CMTM3: variants seen among roughly 807,000 people sequenced by gnomAD.
CMTM3 encodes the protein CKLF-like MARVEL transmembrane domain-containing protein 3.
CMTM3 carries 7 observed loss-of-function variants against 18.2 expected under a neutral mutation model. The observed-to-expected ratio is 0.38, with a 90% CI of 0.22 to 0.72. The LOEUF is 0.72. Ranked by LOEUF, CMTM3 falls within the 30% of genes least tolerant of loss-of-function variation. CMTM3 has a pLI of 0.46. For missense variants in CMTM3, 227 were observed against 249.2 expected (o/e 0.91, Z 0.60); for synonymous variants, 109 against 111.2 (o/e 0.98, Z 0.12).
In CMTM3 at chr16:66,608,556, T is replaced by TCCAGCACA; in HGVS notation, c.303+93_303+94insCAGCACAC. On this transcript the variant is annotated intron_variant, in intron 2 of 4. Transcript: ENST00000567572. This position sits in a 1 kb window ranked among gnomAD's most constrained non-coding sequence, Gnocchi z 5.1. ...CGTGCACTTGGGCCCTTATCCTTTC[T>TCCAGCACA]CTAGTGTGCTGGAGTTTGCAGTTGG... 2 of 1,323,516 alleles carry TCCAGCACA rather than the reference T, an allele frequency of 1.5e-6. No individual in the cohort carries two copies. The highest frequency in any genetic ancestry group is 2.1e-6 in the Non-Finnish European group (2 of 953,262). The allele number at this position is 1,323,516 out of a possible 1,614,324, so 82.0% of individuals were successfully genotyped here.
Position 66,604,970 on chromosome 16 carries a change from C to T in CMTM3, c.147+18C>T, listed in dbSNP as rs763886479. 2.0e-6 allele frequency: 3 copies of T among 1,482,088 alleles called. No individual in the cohort carries two copies. The East Asian group carries it at 8.7e-5, about 43-fold the overall frequency. 91.8% of individuals were successfully genotyped at this position (1,482,088 alleles called of 1,614,324 possible). On this transcript the variant is annotated intron_variant, in intron 1 of 4. Coordinates refer to ENST00000567572, the MANE Select transcript of CMTM3 (RefSeq NM_181553.4). ...CCGAGTCGGTGAGTGCGGCGGGACCCTCGGCCGCCCCGCTAGGACTGCGCG... is the reference window on the plus strand; with the variant it reads ...CCGAGTCGGTGAGTGCGGCGGGACCTTCGGCCGCCCCGCTAGGACTGCGCG...
In CMTM3 at chr16:66,604,880, C is replaced by T; in HGVS notation, c.75C>T (p.Pro25=). Residue 25 remains proline (P), a synonymous_variant, in exon 1 of 5, where the codon CCC becomes CCT. Coordinates refer to ENST00000567572, the MANE Select transcript of CMTM3 (RefSeq NM_181553.4). The part of the protein sequence containing the change: ...AGGSRPGPAV[P]GLRALLPARA... ...GCTCCCGTCCCGGCCCCGCGGTCCC[C>T]GGGCTCCGCGCCCTGCTGCCGGCGC... The T allele has an allele frequency of 7.0e-7, 1 of 1,426,124 alleles. No individual in the cohort carries two copies. Among genetic ancestry groups the T allele is most frequent in the Non-Finnish European group, 9.1e-7 (1 of 1,094,036 alleles). 88.3% of individuals were successfully genotyped at this position (1,426,124 alleles called of 1,614,324 possible). A position where few individuals can be genotyped will look rare whatever the true frequency, so the allele number is the denominator to read the frequency against.
At position 66,612,855 on chromosome 16, in the gene CMTM3, T is replaced by C; in HGVS notation, c.*218T>C. On this transcript the variant is annotated 3_prime_UTR_variant, in exon 5 of 5. Coordinates refer to ENST00000567572, the MANE Select transcript of CMTM3 (RefSeq NM_181553.4). The surrounding 1 kb of genome is among the most constrained non-coding windows in gnomAD (Gnocchi z 6.0). ...GACCACGCTGCGTATGAGGGCATCTTGGGTATCCCACTCCTTCTCCCCATT... is the reference window on the plus strand; with the variant it reads ...GACCACGCTGCGTATGAGGGCATCTCGGGTATCCCACTCCTTCTCCCCATT... 3.3e-6 allele frequency: 2 copies of C among 610,316 alleles called. No individual in the cohort carries two copies. The highest frequency in any genetic ancestry group is 5.9e-6 in the Non-Finnish European group (2 of 341,448). 37.8% of individuals were successfully genotyped at this position (610,316 alleles called of 1,614,324 possible). A position where few individuals can be genotyped will look rare whatever the true frequency, so the allele number is the denominator to read the frequency against.
At position 66,610,151 on chromosome 16, in the gene CMTM3, A is replaced by C; in HGVS notation, c.520+148A>C. On this transcript the variant is annotated intron_variant, in intron 4 of 4. Coordinates refer to ENST00000567572, the MANE Select transcript of CMTM3 (RefSeq NM_181553.4). The surrounding 1 kb of genome is among the most constrained non-coding windows in gnomAD (Gnocchi z 4.6). Reference sequence around the variant, plus strand: ...TCACAGCCCATTCTCACCTACCCTCATGCAGCACTGATCCAAAGCCAGTCC... The same window carrying C: ...TCACAGCCCATTCTCACCTACCCTCCTGCAGCACTGATCCAAAGCCAGTCC... 1 of 970,074 alleles carries C rather than the reference A, an allele frequency of 1.0e-6. No individual in the cohort carries two copies. Among genetic ancestry groups the C allele is most frequent in the Non-Finnish European group, 1.5e-6 (1 of 652,296 alleles). The allele number at this position is 970,074 out of a possible 1,614,324, so 60.1% of individuals were successfully genotyped here.
chr16:66,609,445 G>A lies in CMTM3; in HGVS notation c.314G>A (p.Arg105His), dbSNP rs374945743. Residue 105 changes from arginine (R) to histidine (H), a missense_variant, in exon 3 of 5, where the codon CGC becomes CAC. Arg to His is a conservative substitution (Grantham distance 29, BLOSUM62 0). Transcript: ENST00000567572. This position sits in a 1 kb window ranked among gnomAD's most constrained non-coding sequence, Gnocchi z 4.4. ...GLCWPMMDFL[R>H]CVTAALIYFA... Reference sequence around the variant, plus strand: ...CCCCTCTCTCCCCAGGACTTCCTGCGCTGTGTCACCGCGGCCCTCATCTAC... The same window carrying A: ...CCCCTCTCTCCCCAGGACTTCCTGCACTGTGTCACCGCGGCCCTCATCTAC... 2.0e-5 allele frequency: 32 copies of A among 1,612,614 alleles called. No homozygotes were observed. The African/African-American group carries it at 2.8e-4, about 14-fold the overall frequency.
At position 66,609,799 on chromosome 16, in the gene CMTM3, C is replaced by A. The variant is rs760966016; in HGVS notation, c.400-84C>A. 1.2e-6 allele frequency: 2 copies of A among 1,613,522 alleles called. No homozygotes were observed. The highest frequency in any genetic ancestry group is 1.3e-5 in the African/African-American group (1 of 74,912). On this transcript the variant is annotated intron_variant, in intron 3 of 4. Transcript: ENST00000567572. This position sits in a 1 kb window ranked among gnomAD's most constrained non-coding sequence, Gnocchi z 4.4. ...ACTCGGGCTGTTTGTCCAAGCAGAT[C>A]TGAAATGGGCCGTGAGGCTGGGGCA...
rs1369247813 is a variant in CMTM3 at position 66,610,181 on chromosome 16, C to T, written c.520+178C>T. The T allele has an allele frequency of 1.5e-5, 11 of 752,672 alleles. No individual in the cohort carries two copies. Among genetic ancestry groups the T allele is most frequent in the East Asian group, 1.1e-4 (4 of 37,182 alleles). The allele number at this position is 752,672 out of a possible 1,614,324, so 46.6% of individuals were successfully genotyped here. A position where few individuals can be genotyped will look rare whatever the true frequency, so the allele number is the denominator to read the frequency against. ...GCACTGATCCAAAGCCAGTCCCATT[C>T]GCCTCGTGCACCCTCACCCCAGCCT... On this transcript the variant is annotated intron_variant, in intron 4 of 4. Coordinates refer to ENST00000567572, the MANE Select transcript of CMTM3 (RefSeq NM_181553.4). The surrounding 1 kb of genome is among the most constrained non-coding windows in gnomAD (Gnocchi z 4.6).
Position 66,612,236 on chromosome 16 carries a change from T to G in CMTM3, c.521-373T>G, listed in dbSNP as rs1368232976. Reference sequence around the variant, plus strand: ...TCAAGACCAGCCTGGTGAAAGCCCATCTCTACTAAAAGTACAAAAATTAGC... The same window carrying G: ...TCAAGACCAGCCTGGTGAAAGCCCAGCTCTACTAAAAGTACAAAAATTAGC... On this transcript the variant is annotated intron_variant, in intron 4 of 4. Coordinates refer to ENST00000567572, the MANE Select transcript of CMTM3 (RefSeq NM_181553.4). This position sits in a 1 kb window ranked among gnomAD's most constrained non-coding sequence, Gnocchi z 6.0. 6.6e-6 allele frequency among the ~76,000 whole-genome samples: 1 copy of G among 152,050 alleles called. No individual in the cohort carries two copies. Among genetic ancestry groups the G allele is most frequent in the Non-Finnish European group, 1.5e-5 (1 of 68,008 alleles).
Position 66,612,751 on chromosome 16 carries a change from C to A in CMTM3, c.*114C>A. On this transcript the variant is annotated 3_prime_UTR_variant, in exon 5 of 5. Transcript: ENST00000567572. This position sits in a 1 kb window ranked among gnomAD's most constrained non-coding sequence, Gnocchi z 6.0. ...GACTTCTGAGTTGCAGAGGGGGCTG[C>A]GGACACAGCAGGCCCCCTACAGCCT... The A allele has an allele frequency of 9.6e-7, 1 of 1,042,374 alleles. No individual in the cohort carries two copies. The highest frequency in any genetic ancestry group is 1.4e-6 in the Non-Finnish European group (1 of 694,846). The allele number at this position is 1,042,374 out of a possible 1,614,324, so 64.6% of individuals were successfully genotyped here. A position where few individuals can be genotyped will look rare whatever the true frequency, so the allele number is the denominator to read the frequency against.
chr16:66,607,798 T>G (rs2015213938), intron 1 of CMTM3, among the ~76,000 whole-genome samples: 1 of 149,250 alleles, frequency 6.7e-6, no homozygotes, highest in African/African-American at 2.4e-5. Context: ...TGCCCAGGAC[T>G]GGGAGGCAGC....
chr16:66,605,087 T>C lies in CMTM3; in HGVS notation c.147+135T>C, dbSNP rs956034344. 6 of 856,710 alleles carry C rather than the reference T, an allele frequency of 7.0e-6. No individual in the cohort carries two copies. Among genetic ancestry groups the C allele is most frequent in the Non-Finnish European group, 9.5e-6 (6 of 633,158 alleles). The allele number at this position is 856,710 out of a possible 1,614,324, so 53.1% of individuals were successfully genotyped here. Reference sequence around the variant, plus strand: ...CCCTCTCCGCGCCGCCTCGGCCGACTTCTCTCGGGCGCCTGGCGAAGTTGG... The same window carrying C: ...CCCTCTCCGCGCCGCCTCGGCCGACCTCTCTCGGGCGCCTGGCGAAGTTGG... On this transcript the variant is annotated intron_variant, in intron 1 of 4. Coordinates refer to ENST00000567572, the MANE Select transcript of CMTM3 (RefSeq NM_181553.4). This position sits in a 1 kb window ranked among gnomAD's most constrained non-coding sequence, Gnocchi z 4.6.
At chr16:66,607,074 GAC>G (rs2015185286) in intron 1 of CMTM3, among the ~76,000 whole-genome samples, 1 of 152,216 alleles carries the variant, frequency 6.6e-6, no homozygotes, top group Admixed American at 6.5e-5. Flanking sequence ...TTAGCCATGT[GAC>G]AGAGTCTTCT....
At chr16:66,611,539 C>G (rs1354629608) in intron 4 of CMTM3, among the ~76,000 whole-genome samples, 2 of 152,246 alleles carry the variant, frequency 1.3e-5, no homozygotes, top group East Asian at 3.9e-4. Flanking sequence ...GGTTTAGGGA[C>G]TAGGCTGCCC....
In CMTM3 at chr16:66,608,439, G is replaced by C. The variant is rs745710397; in HGVS notation, c.278G>C (p.Trp93Ser). The C allele has an allele frequency of 1.2e-6, 2 of 1,614,110 alleles. No homozygotes were observed. Among genetic ancestry groups the C allele is most frequent in the Non-Finnish European group, 1.7e-6 (2 of 1,180,044 alleles). The change falls in exon 2 of 5, where the codon TGG (tryptophan) becomes TCG (serine). Residue 93 changes from tryptophan (W) to serine (S), a missense_variant. Transcript: ENST00000567572. The surrounding 1 kb of genome is among the most constrained non-coding windows in gnomAD (Gnocchi z 5.1). ...GATGCCATGCAGCTGAATGACAAGT[G>C]GCAGGGCTTGTGCTGGCCCATGATG... is the stretch of plus-strand genomic sequence containing the variant. Reference protein sequence around the residue: ...FADAMQLNDKWQGLCWPMMDF... With the variant: ...FADAMQLNDKSQGLCWPMMDF...
chr16:66,608,614 C>A lies in CMTM3; in HGVS notation c.303+150C>A. 1.4e-6 allele frequency: 1 copy of A among 737,512 alleles called. No individual in the cohort carries two copies. The highest frequency in any genetic ancestry group is 2.2e-6 in the Non-Finnish European group (1 of 456,564). 45.7% of individuals were successfully genotyped at this position (737,512 alleles called of 1,614,324 possible). The stretch of plus-strand genomic sequence containing the variant: ...TGGATGGAGAGACCCAGCTTCAGAT[C>A]ATCCCAGCTCCACTACTCAGCAGCC... On this transcript the variant is annotated intron_variant, in intron 2 of 4. Transcript: ENST00000567572. The surrounding 1 kb of genome is among the most constrained non-coding windows in gnomAD (Gnocchi z 5.1).
At chr16:66,606,607 C>T (rs1691097817) in intron 1 of CMTM3, among the ~76,000 whole-genome samples, 1 of 152,160 alleles carries the variant, frequency 6.6e-6, no homozygotes, top group Non-Finnish European at 1.5e-5. Context: ...CCACTAGAAA[C>T]TACTCAGCCA....
In CMTM3 at chr16:66,605,519, G is replaced by A; in HGVS notation, c.147+567G>A. The A allele has an allele frequency of 6.6e-6, 1 of 152,578 alleles. No homozygotes were observed. The highest frequency in any genetic ancestry group is 1.5e-5 in the Non-Finnish European group (1 of 68,222). 9.5% of individuals were successfully genotyped at this position (152,578 alleles called of 1,614,324 possible). On this transcript the variant is annotated intron_variant, in intron 1 of 4. Coordinates refer to ENST00000567572, the MANE Select transcript of CMTM3 (RefSeq NM_181553.4). The surrounding 1 kb of genome is among the most constrained non-coding windows in gnomAD (Gnocchi z 4.6). ...CCTCGCCCCCACCCCGGCCGGTGGGGCTTCTTTGTCCTCTGGACACCGGAG... is the reference window on the plus strand; with the variant it reads ...CCTCGCCCCCACCCCGGCCGGTGGGACTTCTTTGTCCTCTGGACACCGGAG...
rs1475992236 is a variant in CMTM3 at position 66,608,159 on chromosome 16, T to C, written c.148-150T>C. On this transcript the variant is annotated intron_variant, in intron 1 of 4. Coordinates refer to ENST00000567572, the MANE Select transcript of CMTM3 (RefSeq NM_181553.4). The surrounding 1 kb of genome is among the most constrained non-coding windows in gnomAD (Gnocchi z 5.1). ...CTGTGCTTGGCCTGGGATTCTAATC[T>C]GGCTCTGCCACTTCCCAGCTGCGGG... The C allele has an allele frequency of 1.2e-4, 91 of 789,112 alleles. No individual in the cohort carries two copies. The highest frequency in any genetic ancestry group is 6.2e-6 in the Non-Finnish European group (3 of 482,700). The allele number at this position is 789,112 out of a possible 1,614,324, so 48.9% of individuals were successfully genotyped here. A position where few individuals can be genotyped will look rare whatever the true frequency, so the allele number is the denominator to read the frequency against.
chr16:66,612,231 G>A lies in CMTM3; in HGVS notation c.521-378G>A, dbSNP rs1004743195. ...GGAGTTCAAGACCAGCCTGGTGAAA[G>A]CCCATCTCTACTAAAAGTACAAAAA... On this transcript the variant is annotated intron_variant, in intron 4 of 4. Transcript: ENST00000567572. This position sits in a 1 kb window ranked among gnomAD's most constrained non-coding sequence, Gnocchi z 6.0. Among the ~76,000 whole-genome samples the A allele has an allele frequency of 3.1e-4, 47 of 152,084 alleles. No homozygotes were observed. Among genetic ancestry groups the A allele is most frequent in the African/African-American group, 1.1e-3 (46 of 41,424 alleles).
Sources: gnomAD v4.1 joint callset for allele counts (sites outside exome capture counted in the v4.1 genomes callset) on GRCh38, gnomAD v4.1.1 for gene constraint, Gnocchi (gnomAD v3.1) non-coding constraint, MANE v1.5 for transcripts, NCBI Gene and HGNC (gene_info 2026-07-23, HGNC 2026-07-21) for gene names.